Variants in CACHD1 observed in about 807,000 individuals in gnomAD.
The protein encoded by CACHD1 is cache domain containing 1.
A neutral mutation model predicts 138.7 loss-of-function variants in CACHD1; 71 were observed. The ratio of observed to expected loss-of-function variants is 0.51; its 90% confidence interval spans 0.42 to 0.62. CACHD1 has a LOEUF of 0.62. CACHD1 is among the 20% of genes least tolerant of loss of function. The pLI, the probability that CACHD1 is intolerant of heterozygous loss-of-function variation, is 0.00. For synonymous variants in CACHD1, 578 were observed against 591.5 expected (o/e 0.98, Z 0.33); for missense variants, 1,389 against 1,625.3 (o/e 0.85, Z 2.50).
intron 1 of CACHD1, among the ~76,000 whole-genome samples, chr1:64,491,260 C>CTCT (rs550399591): frequency 9.7e-5 from 14 of 144,292 alleles, no homozygotes; most frequent in Non-Finnish European, 1.5e-4. Context: ...CTCTCTCTCT[C>CTCT]TTTTTTTTTT....
chr1:64,567,366 C>A (rs1359571663), intron 2 of CACHD1, among the ~76,000 whole-genome samples: 1 of 151,802 alleles, frequency 6.6e-6, no homozygotes, highest in East Asian at 1.9e-4. Flanking sequence ...ATGTATGTGT[C>A]CCTAGAATCC....
At chr1:64,509,211 G>A (rs1646400325) in intron 1 of CACHD1, among the ~76,000 whole-genome samples, 1 of 152,220 alleles carries the variant, frequency 6.6e-6, no homozygotes, top group South Asian at 2.1e-4. Context: ...ACTGTCATTA[G>A]CAAAAGGCTC....
chr1:64,677,925 T>G (rs533414801), intron 22 of CACHD1, among the ~76,000 whole-genome samples: 8 of 152,338 alleles, frequency 5.3e-5, no homozygotes, highest in Admixed American at 3.3e-4. Context: ...CATTATTTAA[T>G]TCACAGAGAG....
At chr1:64,681,549 T>TTG (rs1557555810) in intron 25 of CACHD1, among the ~76,000 whole-genome samples, 2 of 114,872 alleles carry the variant, frequency 1.7e-5, no homozygotes, top group South Asian at 2.7e-4. Context: ...GTGTTTTTTT[T>TTG]TTTTTTTTTT....
At chr1:64,550,930 AAC>A (rs1050771376) in intron 2 of CACHD1, among the ~76,000 whole-genome samples, 2 of 152,200 alleles carry the variant, frequency 1.3e-5, no homozygotes, top group African/African-American at 4.8e-5. Context: ...CACACCTAAA[AAC>A]ACTGAAAATT....
At chr1:64,571,757 C>T (rs1456140995) in intron 2 of CACHD1, among the ~76,000 whole-genome samples, 1 of 152,158 alleles carries the variant, frequency 6.6e-6, no homozygotes, top group East Asian at 1.9e-4. Context: ...AGGTTTCGTC[C>T]TTCATTTATG....
chr1:64,494,356 T>A (rs1332717078), intron 1 of CACHD1, among the ~76,000 whole-genome samples: 1 of 152,174 alleles, frequency 6.6e-6, no homozygotes, highest in Non-Finnish European at 1.5e-5. Context: ...TTCCCTCCCC[T>A]GTTTTCTCTT....
At chr1:64,676,856 C>T (rs146693805) in intron 21 of CACHD1, 39 bp from the exon 22 acceptor site, 15 of 1,510,594 alleles carry the variant, frequency 9.9e-6, no homozygotes, top group African/African-American at 5.5e-5. Flanking sequence ...GGAATGTGGG[C>T]GGTGGTCGTC....
chr1:64,639,251 G>A lies in CACHD1; in HGVS notation c.1007-2569G>A, dbSNP rs374008374. 1.0e-3 allele frequency among the ~76,000 whole-genome samples: 155 copies of A among 152,298 alleles called. 2 individuals are homozygous for A. Among genetic ancestry groups the A allele is most frequent in the African/African-American group, 3.3e-3 (138 of 41,560 alleles). ...CCTCATGCTGTATCTATGTATATAT[G>A]TTCCCTCCAACTAGGGACTCAAGCA... On this transcript the variant is annotated intron_variant, in intron 7 of 26. Coordinates refer to ENST00000651257, the MANE Select transcript of CACHD1 (RefSeq NM_020925.4).
chr1:64,497,347 C>T (rs1646311845), intron 1 of CACHD1, among the ~76,000 whole-genome samples: 1 of 152,164 alleles, frequency 6.6e-6, no homozygotes, highest in Admixed American at 6.5e-5. Flanking sequence ...ACAGGCCTTG[C>T]ATCTGCTTAT....
intron 2 of CACHD1, among the ~76,000 whole-genome samples, chr1:64,575,150 T>C (rs920789804): frequency 1.3e-5 from 2 of 152,246 alleles, no homozygotes; most frequent in African/African-American, 4.8e-5. Context: ...CTTTGTATAT[T>C]CACTGTGTTT....
In CACHD1 at chr1:64,535,262, T is replaced by A. The variant is rs187612439; in HGVS notation, c.199-15332T>A. On this transcript the variant is annotated intron_variant, in intron 1 of 26. Transcript: ENST00000651257. The stretch of plus-strand genomic sequence containing the variant: ...CCCTCTCCCTCCGTCTTTCTCCACC[T>A]CTTTGTTAAGAAATTTCTTTTAGCC... 1.1e-4 allele frequency among the ~76,000 whole-genome samples: 16 copies of A among 152,194 alleles called. No homozygotes were observed. In the East Asian group the frequency reaches 2.9e-3, roughly 28 times the overall value.
intron 1 of CACHD1, among the ~76,000 whole-genome samples, chr1:64,508,918 C>T (rs1932028): frequency 0.69 from 105,332 of 152,028 alleles, 40,685 homozygotes; most frequent in Non-Finnish European, 0.84. Flanking sequence ...TCTTTGGTGT[C>T]TCCTGCCATT....
At chr1:64,628,636 G>A (rs1298038060) in intron 4 of CACHD1, among the ~76,000 whole-genome samples, 2 of 151,332 alleles carry the variant, frequency 1.3e-5, no homozygotes, top group Non-Finnish European at 3.0e-5. Flanking sequence ...ATAGCATGAT[G>A]TAAGGAACAC....
intron 8 of CACHD1, among the ~76,000 whole-genome samples, chr1:64,646,872 C>G (rs1648922760): frequency 6.6e-6 from 1 of 152,126 alleles, no homozygotes; most frequent in South Asian, 2.1e-4. Context: ...ACCATGAAAG[C>G]TTCAGATTCT....
intron 1 of CACHD1, among the ~76,000 whole-genome samples, chr1:64,532,896 A>C (rs1361245971): frequency 6.6e-6 from 1 of 152,238 alleles, no homozygotes; most frequent in Non-Finnish European, 1.5e-5. Context: ...TACTAGTAGT[A>C]GTAGCAGCAG....
At chr1:64,542,708 C>T (rs559721256) in intron 1 of CACHD1, among the ~76,000 whole-genome samples, 4 of 152,068 alleles carry the variant, frequency 2.6e-5, no homozygotes, top group African/African-American at 9.7e-5. Flanking sequence ...TAAGTTTTCT[C>T]TATTAAACTC....
rs1035382487 is a variant in CACHD1, at chr1:64,673,023, T to A, written c.2511-135T>A. 6.3e-6 allele frequency: 5 copies of A among 787,530 alleles called. No homozygotes were observed. The Admixed American group carries it at 1.1e-4, about 17-fold the overall frequency. The allele number at this position is 787,530 out of a possible 1,614,324, so 48.8% of individuals were successfully genotyped here. A position where few individuals can be genotyped will look rare whatever the true frequency, so the allele number is the denominator to read the frequency against. ...CTGCCTGCCAGCTTCCCTTCATTTT[T>A]CCAATGAGTATTTATTGAGAACCTG... On this transcript the variant is annotated intron_variant, in intron 17 of 26. Coordinates refer to ENST00000651257, the MANE Select transcript of CACHD1 (RefSeq NM_020925.4).
intron 2 of CACHD1, among the ~76,000 whole-genome samples, chr1:64,575,867 AG>A (rs1202007700): frequency 6.6e-5 from 10 of 152,210 alleles, no homozygotes; most frequent in African/African-American, 1.9e-4. Flanking sequence ...TATAAAGCTA[AG>A]GTAAAAAGAG....
Sources: gnomAD v4.1 joint callset for allele counts (sites outside exome capture counted in the v4.1 genomes callset) on GRCh38, gnomAD v4.1.1 for gene constraint, MANE v1.5 for transcripts, NCBI Gene and HGNC (gene_info 2026-07-23, HGNC 2026-07-21) for gene names.